TRAPPC9: variants seen among roughly 807,000 people sequenced by gnomAD.
The protein encoded by TRAPPC9 is IKK2 binding protein.
In TRAPPC9, 83 loss-of-function variants were observed where a neutral mutation model predicts 124.0. The ratio of observed to expected loss-of-function variants is 0.67; its 90% confidence interval spans 0.56 to 0.80. The LOEUF (loss-of-function observed/expected upper bound fraction) is 0.80. Among genes scored for constraint, TRAPPC9 ranks in the 30% least tolerant of loss-of-function variants. TRAPPC9 has a pLI of 0.00. For synonymous variants in TRAPPC9, 638 were observed against 617.5 expected (o/e 1.03, Z -0.49); for missense variants, 1,302 against 1,508.3 (o/e 0.86, Z 2.27).
At chr8:140,077,770 G>A (rs1843592682) in intron 17 of TRAPPC9, among the ~76,000 whole-genome samples, 1 of 152,154 alleles carries the variant, frequency 6.6e-6, no homozygotes, top group Non-Finnish European at 1.5e-5. Context: ...TGGGGAGAAA[G>A]CAATGCAGGC....
At chr8:140,310,046 C>T (rs984700546) in intron 10 of TRAPPC9, among the ~76,000 whole-genome samples, 1 of 152,216 alleles carries the variant, frequency 6.6e-6, no homozygotes, top group African/African-American at 2.4e-5. Flanking sequence ...GCACACAACT[C>T]TTTGGCAAAA....
intron 17 of TRAPPC9, among the ~76,000 whole-genome samples, chr8:140,194,634 C>G (rs2062591684): frequency 6.6e-6 from 1 of 152,156 alleles, no homozygotes; most frequent in Admixed American, 6.5e-5. Flanking sequence ...ACCTAGGGCA[C>G]TCGCTGACTG....
intron 19 of TRAPPC9, among the ~76,000 whole-genome samples, chr8:139,940,672 C>T (rs1587288642): frequency 6.6e-6 from 1 of 151,964 alleles, no homozygotes; most frequent in Admixed American, 6.5e-5. Flanking sequence ...CTGTCACCCA[C>T]AGAACTTCCT....
chr8:140,056,105 A>G (rs1009931982), intron 17 of TRAPPC9, among the ~76,000 whole-genome samples: 2 of 152,154 alleles, frequency 1.3e-5, no homozygotes, highest in Non-Finnish European at 2.9e-5. Flanking sequence ...TTGCAAAGCT[A>G]TAGTAATTAA....
intron 17 of TRAPPC9, among the ~76,000 whole-genome samples, chr8:140,047,374 C>T (rs1369996601): frequency 6.6e-6 from 1 of 152,222 alleles, no homozygotes; most frequent in African/African-American, 2.4e-5. Flanking sequence ...GCTAAGAGCC[C>T]GAATGCGAAG....
intron 20 of TRAPPC9, among the ~76,000 whole-genome samples, chr8:139,890,134 G>A (rs1040992881): frequency 6.6e-6 from 1 of 152,218 alleles, no homozygotes; most frequent in Admixed American, 6.5e-5. Context: ...TTGCAAAAGC[G>A]AATCCGACTC....
intron 21 of TRAPPC9, among the ~76,000 whole-genome samples, chr8:139,836,981 G>A (rs373198993): frequency 0.52 from 78,893 of 151,528 alleles, 22,022 homozygotes; most frequent in East Asian, 0.74. Context: ...AGGACTTGGG[G>A]CCTAGCGATC....
At chr8:139,874,324 C>T (rs1217815553) in intron 21 of TRAPPC9, among the ~76,000 whole-genome samples, 1 of 152,148 alleles carries the variant, frequency 6.6e-6, no homozygotes, top group African/African-American at 2.4e-5. Flanking sequence ...CTCATTCACT[C>T]TTTGATGGAG....
rs566069452 is a variant in TRAPPC9, at chr8:139,761,492, C to T, written c.3056-29290G>A. 3.3e-5 allele frequency among the ~76,000 whole-genome samples: 5 copies of T among 152,290 alleles called. No homozygotes were observed. The South Asian group carries it at 1.0e-3, about 32-fold the overall frequency. On this transcript the variant is annotated intron_variant, in intron 21 of 22. Coordinates refer to ENST00000438773, the MANE Select transcript of TRAPPC9 (RefSeq NM_001160372.4). ...AGTGATGATGCGGTGTGCGCCAGTT[C>T]CCTGCTCCCAGCCCTGGTGCTGGCT...
At chr8:139,760,022 AC>A (rs1308893424) in intron 21 of TRAPPC9, among the ~76,000 whole-genome samples, 3 of 151,722 alleles carry the variant, frequency 2.0e-5, no homozygotes, top group African/African-American at 4.9e-5. Flanking sequence ...GTCATGTCTG[AC>A]CCCCCGTGCT....
chr8:140,296,193 T>C (rs967606048), intron 11 of TRAPPC9, among the ~76,000 whole-genome samples: 1 of 152,218 alleles, frequency 6.6e-6, no homozygotes, highest in Admixed American at 6.5e-5. Context: ...TGAGAATCAC[T>C]GGATAATGTT....
At chr8:139,987,409 G>T (rs1019658817) in intron 19 of TRAPPC9, among the ~76,000 whole-genome samples, 1 of 152,144 alleles carries the variant, frequency 6.6e-6, no homozygotes, top group Non-Finnish European at 1.5e-5. Context: ...ACCAACATTT[G>T]GTGCTGTCTT....
chr8:139,982,827 T>A (rs994646733), intron 19 of TRAPPC9, among the ~76,000 whole-genome samples: 3 of 152,160 alleles, frequency 2.0e-5, no homozygotes, highest in African/African-American at 7.2e-5. Flanking sequence ...ATTGCTAATT[T>A]CTAAAAACTC....
chr8:140,042,715 A>G (rs2132038085), intron 17 of TRAPPC9, among the ~76,000 whole-genome samples: 1 of 152,348 alleles, frequency 6.6e-6, no homozygotes, highest in Middle Eastern at 3.4e-3. Flanking sequence ...GCCCCCACCT[A>G]ACACATCTCT....
chr8:140,428,151 T>C (rs1356761650), intron 4 of TRAPPC9, among the ~76,000 whole-genome samples: 1 of 152,156 alleles, frequency 6.6e-6, no homozygotes. Context: ...AAATATATTA[T>C]ACTATGCCAT....
intron 21 of TRAPPC9, among the ~76,000 whole-genome samples, chr8:139,736,647 G>A (rs1425714897): frequency 6.6e-6 from 1 of 151,554 alleles, no homozygotes; most frequent in Non-Finnish European, 1.5e-5. Context: ...TACAGCTGAG[G>A]AAATGTGGTG....
intron 21 of TRAPPC9, among the ~76,000 whole-genome samples, chr8:139,845,223 C>T (rs1826995869): frequency 6.6e-6 from 1 of 152,156 alleles, no homozygotes; most frequent in Admixed American, 6.5e-5. Flanking sequence ...AGGAATGAGG[C>T]TAATGCCACC....
chr8:139,929,111 G>C (rs563221637), intron 19 of TRAPPC9, among the ~76,000 whole-genome samples: 2 of 151,978 alleles, frequency 1.3e-5, no homozygotes, highest in Non-Finnish European at 2.9e-5. Context: ...AGTTCTATTT[G>C]TTTAAAATAA....
chr8:140,437,255 G>T (rs1164540965), intron 3 of TRAPPC9, among the ~76,000 whole-genome samples: 1 of 152,082 alleles, frequency 6.6e-6, no homozygotes, highest in Non-Finnish European at 1.5e-5. Flanking sequence ...GGTGAAGTAA[G>T]ATTTTTTTAT....
Sources: allele counts gnomAD v4.1 joint callset (sites outside exome capture counted in the v4.1 genomes callset), GRCh38; gene constraint gnomAD v4.1.1; transcripts MANE v1.5; gene names NCBI Gene and HGNC (gene_info 2026-07-23, HGNC 2026-07-21).